USP15: variants seen among roughly 807,000 people sequenced by gnomAD.
USP15 encodes ubiquitin specific peptidase 15, also known as ubiquitin carboxyl-terminal hydrolase 15.
In USP15, 18 loss-of-function variants were observed where a neutral mutation model predicts 127.1. That is an observed-to-expected ratio of 0.14 (90% confidence interval 0.10 to 0.21). The LOEUF is 0.21. Among genes scored for constraint, USP15 ranks in the 10% least tolerant of loss-of-function variants. The pLI, the probability that USP15 is intolerant of heterozygous loss-of-function variation, is 1.00. For missense variants in USP15, 805 were observed against 1,159.9 expected, an observed-to-expected ratio of 0.69 and a Z score of 4.44; for synonymous variants, 364 against 393.7, an observed-to-expected ratio of 0.92 and a Z score of 0.89.
intron 6 of USP15, among the ~76,000 whole-genome samples, chr12:62,341,891 T>C (rs1279247229): frequency 6.6e-6 from 1 of 152,100 alleles, no homozygotes; most frequent in Non-Finnish European, 1.5e-5. Context: ...ATCTTAGTGG[T>C]GGTCTGTGTA....
intron 8 of USP15, among the ~76,000 whole-genome samples, chr12:62,357,812 G>A (rs1452136556): frequency 2.6e-5 from 4 of 151,882 alleles, no homozygotes; most frequent in Admixed American, 6.6e-5. Flanking sequence ...GTCAGCTCTC[G>A]AGCTGAAAAT....
chr12:62,267,163 C>T (rs1438502241), intron 1 of USP15: 1 of 151,888 alleles, frequency 6.6e-6, no homozygotes, highest in African/African-American at 2.4e-5. Context: ...CTTTTAATTT[C>T]CTCACTTACC....
chr12:62,392,977 A>G, intron 18 of USP15, 76 bp from the exon 19 acceptor site: 1 of 1,532,596 alleles, frequency 6.5e-7, no homozygotes, highest in Non-Finnish European at 8.8e-7. Flanking sequence ...CTTTCCAAAC[A>G]TTTTTGTTTA....
At chr12:62,298,806 G>GT (rs1476422500) in intron 2 of USP15, among the ~76,000 whole-genome samples, 2 of 146,112 alleles carry the variant, frequency 1.4e-5, no homozygotes, top group Non-Finnish European at 3.0e-5. Context: ...TCCAGCATGG[G>GT]TGACAGAGTA....
chr12:62,348,271 CCCA>C (rs1209910762), intron 6 of USP15, among the ~76,000 whole-genome samples: 22 of 151,922 alleles, frequency 1.4e-4, no homozygotes, highest in African/African-American at 5.3e-4. Context: ...AATTTTATTG[CCCA>C]CCATTTGTTC....
chr12:62,369,489 T>A (rs937942101), intron 8 of USP15, among the ~76,000 whole-genome samples: 3 of 151,902 alleles, frequency 2.0e-5, no homozygotes, highest in Non-Finnish European at 4.4e-5. Flanking sequence ...TGCTACCTGA[T>A]TTTTTTATTT....
At chr12:62,260,770 C>T (rs2063026032) in intron 1 of USP15, among the ~76,000 whole-genome samples, 1 of 152,172 alleles carries the variant, frequency 6.6e-6, no homozygotes, top group African/African-American at 2.4e-5. Context: ...TCTCTTCGTC[C>T]TCCTTCCTTC....
At chr12:62,317,331 G>A (rs1200692751) in intron 4 of USP15, among the ~76,000 whole-genome samples, 2 of 152,172 alleles carry the variant, frequency 1.3e-5, no homozygotes, top group African/African-American at 4.8e-5. Flanking sequence ...AGTTAAACAA[G>A]CAGGTATCTT....
At chr12:62,324,106 C>G (rs570502787) in intron 5 of USP15, among the ~76,000 whole-genome samples, 2 of 151,714 alleles carry the variant, frequency 1.3e-5, no homozygotes, top group East Asian at 1.9e-4. Flanking sequence ...TTTCTTCTCT[C>G]CTTTTTGTGT....
At chr12:62,330,290 G>GA (rs201455925) in intron 6 of USP15, among the ~76,000 whole-genome samples, 141 of 149,242 alleles carry the variant, frequency 9.4e-4, no homozygotes, top group South Asian at 1.9e-3. Context: ...AGCCTGGCTT[G>GA]AAAAAAAAAC....
chr12:62,298,383 C>G (rs191803411), intron 2 of USP15, among the ~76,000 whole-genome samples: 164 of 151,806 alleles, frequency 1.1e-3, no homozygotes, highest in African/African-American at 3.8e-3. Flanking sequence ...AAAAAATAAT[C>G]CAGCCAGTCG....
intron 8 of USP15, among the ~76,000 whole-genome samples, chr12:62,368,731 A>T (rs2066563700): frequency 6.6e-6 from 1 of 152,162 alleles, no homozygotes; most frequent in African/African-American, 2.4e-5. Flanking sequence ...TCCTGAATAC[A>T]GCACATTCAT....
At chr12:62,381,685 T>C (rs960732979) in intron 9 of USP15, 22 bp downstream of exon 9, 1 of 1,595,606 alleles carries the variant, frequency 6.3e-7, no homozygotes, top group Non-Finnish European at 8.6e-7. Flanking sequence ...AAATGCATTT[T>C]AGCAAGGGTA....
intron 6 of USP15, among the ~76,000 whole-genome samples, chr12:62,342,648 G>C (rs1476676557): frequency 1.3e-5 from 2 of 152,120 alleles, no homozygotes; most frequent in East Asian, 3.9e-4. Context: ...TCTTCTAACA[G>C]TCGGGCCCCT....
chr12:62,368,737 T>G (rs1319117842), intron 8 of USP15, among the ~76,000 whole-genome samples: 1 of 152,160 alleles, frequency 6.6e-6, no homozygotes, highest in Non-Finnish European at 1.5e-5. Flanking sequence ...ATACAGCACA[T>G]TCATGGGTCT....
intron 1 of USP15, among the ~76,000 whole-genome samples, chr12:62,287,409 G>A (rs1370633965): frequency 6.6e-6 from 1 of 152,076 alleles, no homozygotes; most frequent in Non-Finnish European, 1.5e-5. Context: ...ATTTAAATGA[G>A]TTTTTTTGGT....
At chr12:62,321,078 A>G (rs1409105800) in intron 4 of USP15, among the ~76,000 whole-genome samples, 2 of 152,106 alleles carry the variant, frequency 1.3e-5, no homozygotes, top group Non-Finnish European at 1.5e-5. Context: ...AAAATTTTGC[A>G]CACTAAAAAA....
intron 1 of USP15, among the ~76,000 whole-genome samples, chr12:62,292,990 G>T (rs996294348): frequency 6.6e-6 from 1 of 152,146 alleles, no homozygotes; most frequent in Non-Finnish European, 1.5e-5. Context: ...TCCCCTGATG[G>T]ATATGCTCTG....
In USP15 at chr12:62,404,547, A is replaced by G; in HGVS notation, c.*172A>G. 1 of 906,752 alleles carries G rather than the reference A, an allele frequency of 1.1e-6. No homozygotes were observed. Among genetic ancestry groups the G allele is most frequent in the South Asian group, 3.4e-5 (1 of 29,702 alleles). 56.2% of individuals were successfully genotyped at this position (906,752 alleles called of 1,614,324 possible). A position where few individuals can be genotyped will look rare whatever the true frequency, so the allele number is the denominator to read the frequency against. Reference sequence around the variant, plus strand: ...GCAGTACTTGAAGTGAAACACAATGAAAACTTTAACAGAAATTGTCTCTTA... The same window carrying G: ...GCAGTACTTGAAGTGAAACACAATGGAAACTTTAACAGAAATTGTCTCTTA... On this transcript the variant is annotated 3_prime_UTR_variant, in exon 22 of 22. Transcript: ENST00000280377.
Sources: gnomAD v4.1 joint callset for allele counts (sites outside exome capture counted in the v4.1 genomes callset) on GRCh38, gnomAD v4.1.1 for gene constraint, MANE v1.5 for transcripts, NCBI Gene and HGNC (gene_info 2026-07-23, HGNC 2026-07-21) for gene names.